DOCK8: variants seen among roughly 807,000 people sequenced by gnomAD.
The protein encoded by DOCK8 is dedicator of cytokinesis 8.
Under a neutral mutation model 245.6 loss-of-function variants are expected in DOCK8, and 141 were observed. The observed-to-expected ratio is 0.57, with a 90% CI of 0.50 to 0.66. The LOEUF (loss-of-function observed/expected upper bound fraction) is 0.66. Ranked by LOEUF, DOCK8 falls within the 30% of genes least tolerant of loss-of-function variation. The pLI, the probability that DOCK8 is intolerant of heterozygous loss-of-function variation, is 0.00. For missense variants in DOCK8, 2,965 were observed against 2,603.4 expected (o/e 1.14, Z -3.02); for synonymous variants, 1,168 against 970.2 (o/e 1.20, Z -3.79).
Position 339,070 on chromosome 9 carries a change from C to T in DOCK8, c.1487C>T (p.Ser496Phe). Residue 496 changes from serine to phenylalanine, a missense_variant, in exon 13 of 48, where the codon TCC becomes TTC. Coordinates refer to ENST00000432829, the MANE Select transcript of DOCK8 (RefSeq NM_203447.4). ...TTAGCTGACTACAAAAGATCATCAT[C>T]CTTACAGAGACGAGTCAAGTCAATT... ...KFLADYKRSS[S>F]LQRRVKSIPG... The T allele has an allele frequency of 6.2e-7, 1 of 1,614,104 alleles. No homozygotes were observed. Among genetic ancestry groups the T allele is most frequent in the Non-Finnish European group, 8.5e-7 (1 of 1,180,002 alleles).
chr9:365,961 T>G, intron 14 of DOCK8: 1 of 245,670 alleles, frequency 4.1e-6, no homozygotes, highest in Non-Finnish European at 8.2e-6. Context: ...GCATCAGGGT[T>G]TTGGGCTCTG....
chr9:319,182 C>A lies in DOCK8; in HGVS notation c.827+2054C>A, dbSNP rs534461383. 2.0e-5 allele frequency among the ~76,000 whole-genome samples: 3 copies of A among 152,210 alleles called. No homozygotes were observed. The South Asian group carries it at 6.2e-4, about 32-fold the overall frequency. ...TTTTAGCCCTAGCTACATTGGGAGG[C>A]TGAGGTGGAAGGATCGCTTGAGGCC... On this transcript the variant is annotated intron_variant, in intron 7 of 47. Coordinates refer to ENST00000432829, the MANE Select transcript of DOCK8 (RefSeq NM_203447.4).
intron 6 of DOCK8, among the ~76,000 whole-genome samples, chr9:314,625 C>T (rs934331409): frequency 2.0e-5 from 3 of 152,042 alleles, no homozygotes; most frequent in African/African-American, 4.8e-5. Flanking sequence ...TGTAAACTGG[C>T]GTGTCTAAAA....
intron 1 of DOCK8, among the ~76,000 whole-genome samples, chr9:222,462 T>C (rs1199433454): frequency 6.6e-6 from 1 of 152,182 alleles, no homozygotes; most frequent in Non-Finnish European, 1.5e-5. Flanking sequence ...AGAAAAGGTA[T>C]ACCTGTTTCT....
Position 289,504 on chromosome 9 carries a change from C to T in DOCK8, c.333-6C>T. The T allele has an allele frequency of 1.2e-6, 2 of 1,612,652 alleles. No individual in the cohort carries two copies. The highest frequency in any genetic ancestry group is 1.7e-6 in the Non-Finnish European group (2 of 1,178,854). ...AACGTGTTTATTTCATTTTCTACCT[C>T]ATTAGGGTTGAACTGGACCCTCATG... is the stretch of plus-strand genomic sequence containing the variant. On this transcript the variant is annotated splice_polypyrimidine_tract_variant and splice_region_variant and intron_variant, in intron 3 of 47. Transcript: ENST00000432829.
At chr9:367,403 A>G (rs1395634995) in intron 14 of DOCK8, among the ~76,000 whole-genome samples, 1 of 152,190 alleles carries the variant, frequency 6.6e-6, no homozygotes, top group African/African-American at 2.4e-5. Context: ...ACTACTAATA[A>G]TGCAAATAGA....
intron 9 of DOCK8, among the ~76,000 whole-genome samples, chr9:330,290 T>G (rs891906320): frequency 1.3e-5 from 2 of 152,212 alleles, no homozygotes; most frequent in Non-Finnish European, 2.9e-5. Flanking sequence ...TGTTTAAAAA[T>G]TGGTATGCCG....
chr9:221,270 G>A (rs565877285), intron 1 of DOCK8, among the ~76,000 whole-genome samples: 1 of 152,246 alleles, frequency 6.6e-6, no homozygotes, highest in African/African-American at 2.4e-5. Flanking sequence ...AGTTTCTCCA[G>A]CTGTCTATTC....
At chr9:308,574 T>G (rs2049952224) in intron 5 of DOCK8, among the ~76,000 whole-genome samples, 1 of 152,248 alleles carries the variant, frequency 6.6e-6, no homozygotes, top group Admixed American at 6.5e-5. Flanking sequence ...TTTATAAAAA[T>G]TAGATTATAT....
In DOCK8 at chr9:435,017, A is replaced by T. The variant is rs745989068; in HGVS notation, c.5079+42A>T. On this transcript the variant is annotated intron_variant, in intron 39 of 47. Transcript: ENST00000432829. ...TTTTCCCTTAGAGCAGTGGTTCTCA[A>T]CTGGGGCGATTTTGTCCCCCAGCCC... 6 of 1,605,456 alleles carry T rather than the reference A, an allele frequency of 3.7e-6. No homozygotes were observed. The African/African-American group carries it at 5.3e-5, about 14-fold the overall frequency.
chr9:367,926 C>T (rs1413029876), intron 14 of DOCK8, 92 bp from the exon 15 acceptor site: 15 of 1,058,006 alleles, frequency 1.4e-5, no homozygotes, highest in Non-Finnish European at 1.6e-5. Context: ...GGAAAAAGCA[C>T]CCCATGAATG....
intron 20 of DOCK8, among the ~76,000 whole-genome samples, chr9:378,307 G>A (rs2053600186): frequency 6.6e-6 from 1 of 152,240 alleles, no homozygotes; most frequent in Non-Finnish European, 1.5e-5. Flanking sequence ...AATGAGATGA[G>A]TGCAGCACTG....
At chr9:229,480 C>A (rs918126852) in intron 1 of DOCK8, among the ~76,000 whole-genome samples, 1 of 152,114 alleles carries the variant, frequency 6.6e-6, no homozygotes, top group South Asian at 2.1e-4. Flanking sequence ...CTGATGGACT[C>A]CAGATTGCAG....
In DOCK8 at chr9:358,678, G is replaced by A. The variant is rs867294214; in HGVS notation, c.1680-9340G>A. 9.7e-4 allele frequency among the ~76,000 whole-genome samples: 8 copies of A among 8,268 alleles called. No individual in the cohort carries two copies. The East Asian group carries it at 0.029, about 30-fold the overall frequency. 5.4% of individuals were successfully genotyped at this position (8,268 alleles called of 152,430 possible). ...AACCTGGCCAACATGGTGAAACCCTGTCTCTACTAAAAATACAAAAATTAG... is the reference window on the plus strand; with the variant it reads ...AACCTGGCCAACATGGTGAAACCCTATCTCTACTAAAAATACAAAAATTAG... On this transcript the variant is annotated intron_variant, in intron 14 of 47. Coordinates refer to ENST00000432829, the MANE Select transcript of DOCK8 (RefSeq NM_203447.4).
At chr9:448,310 G>T (rs1323704898) in intron 44 of DOCK8, among the ~76,000 whole-genome samples, 1 of 152,142 alleles carries the variant, frequency 6.6e-6, no homozygotes, top group East Asian at 1.9e-4. Context: ...GTCTTACTTT[G>T]TTGCCCAGTC....
At chr9:277,518 GAA>G (rs1267800236) in intron 2 of DOCK8, among the ~76,000 whole-genome samples, 1 of 144,776 alleles carries the variant, frequency 6.9e-6, no homozygotes, top group Non-Finnish European at 1.5e-5. Flanking sequence ...ACATACAAGA[GAA>G]GAGTTAGGAG....
chr9:402,664 G>T (rs546648986), intron 26 of DOCK8, among the ~76,000 whole-genome samples: 43 of 152,264 alleles, frequency 2.8e-4, no homozygotes, highest in Non-Finnish European at 5.0e-4. Context: ...TATGTTTTCT[G>T]CCATCTAAAG....
At chr9:396,090 A>G (rs906063611) in intron 24 of DOCK8, among the ~76,000 whole-genome samples, 1 of 152,068 alleles carries the variant, frequency 6.6e-6, no homozygotes, top group Non-Finnish European at 1.5e-5. Context: ...GACTGTCTGC[A>G]TTATGTAACT....
chr9:253,594 G>A (rs11792508), intron 1 of DOCK8, among the ~76,000 whole-genome samples: 1 of 152,096 alleles, frequency 6.6e-6, no homozygotes, highest in Non-Finnish European at 1.5e-5. Flanking sequence ...AAGACTAAAA[G>A]TTATGCTAAT....
Sources: gnomAD v4.1 joint callset for allele counts (sites outside exome capture counted in the v4.1 genomes callset) on GRCh38, gnomAD v4.1.1 for gene constraint, MANE v1.5 for transcripts, NCBI Gene and HGNC (gene_info 2026-07-23, HGNC 2026-07-21) for gene names.